Variants in EIF5A2 observed in about 807,000 individuals in gnomAD.
The protein encoded by EIF5A2 is eukaryotic translation initiation factor 5A2.
EIF5A2 carries 15 observed loss-of-function variants against 16.4 expected under a neutral mutation model. The ratio of observed to expected loss-of-function variants is 0.92; its 90% confidence interval spans 0.61 to 1.41. EIF5A2 has a LOEUF of 1.41. EIF5A2 is among the 40% of genes most tolerant of loss of function. The pLI is 0.00. For synonymous variants in EIF5A2, 48 were observed against 61.1 expected (o/e 0.79, Z 1.00); for missense variants, 144 against 189.5 (o/e 0.76, Z 1.41).
chr3:170,900,125 C>T (rs1274201137), intron 3 of EIF5A2, among the ~76,000 whole-genome samples: 2 of 151,826 alleles, frequency 1.3e-5, no homozygotes, highest in Non-Finnish European at 2.9e-5. Context: ...AATCCTAGCA[C>T]TTCGGGAGGC....
At chr3:170,907,445 T>C (rs1712966589) in intron 2 of EIF5A2, among the ~76,000 whole-genome samples, 197 bp downstream of exon 2, 2 of 152,152 alleles carry the variant, frequency 1.3e-5, no homozygotes, top group East Asian at 1.9e-4. Flanking sequence ...TCCCAGTTAA[T>C]GAACATTGTA....
At chr3:170,907,873 A>G (rs548996246) in intron 1 of EIF5A2, 32 bp from the exon 2 acceptor site, 1 of 1,450,074 alleles carries the variant, frequency 6.9e-7, no homozygotes, top group African/African-American at 1.4e-5. Context: ...GCTTTTTAAC[A>G]ACGGGTATGT....
At chr3:170,900,057 A>G (rs1392605877) in intron 3 of EIF5A2, among the ~76,000 whole-genome samples, 3 of 151,984 alleles carry the variant, frequency 2.0e-5, no homozygotes, top group Admixed American at 6.6e-5. Flanking sequence ...GCAGTATATA[A>G]GGTTATAAGG....
rs1712466498 is a variant in EIF5A2 at position 170,889,174 on chromosome 3, T to C, written c.*4186A>G. ...GGTGAAAGCCTGGTATGCATTGCCA[T>C]AAAGTGCATCTTTTACATAAGGAAA... is the stretch of plus-strand genomic sequence containing the variant. On this transcript the variant is annotated 3_prime_UTR_variant, in exon 5 of 5. Transcript: ENST00000295822. 1 of 151,232 alleles carries C rather than the reference T, an allele frequency of 6.6e-6. No homozygotes were observed. Among genetic ancestry groups the C allele is most frequent in the African/African-American group, 2.4e-5 (1 of 41,156 alleles). The allele number at this position is 151,232 out of a possible 1,614,324, so 9.4% of individuals were successfully genotyped here.
At chr3:170,902,796 G>A (rs1712849503) in intron 3 of EIF5A2, among the ~76,000 whole-genome samples, 4 of 151,794 alleles carry the variant, frequency 2.6e-5, no homozygotes, top group African/African-American at 9.7e-5. Context: ...TATTAGAGAC[G>A]GGGTTTCACC....
chr3:170,898,874 G>C (rs1712737369), intron 3 of EIF5A2, among the ~76,000 whole-genome samples: 1 of 151,194 alleles, frequency 6.6e-6, no homozygotes, highest in South Asian at 2.1e-4. Flanking sequence ...TATTTTTACA[G>C]AACTATTGAG....
chr3:170,901,910 T>C (rs1576788882), intron 3 of EIF5A2, among the ~76,000 whole-genome samples: 1 of 152,186 alleles, frequency 6.6e-6, no homozygotes, highest in African/African-American at 2.4e-5. Flanking sequence ...GAATGCTTGA[T>C]CACTATTATT....
In EIF5A2 at chr3:170,892,953, TCTG is replaced by T; in HGVS notation, c.*404_*406del. The stretch of plus-strand genomic sequence containing the variant: ...TATAATCAGTTCATTTTATATTAAA[TCTG>T]TAATTAATGCAGAGCAGTTCAACTT... On this transcript the variant is annotated 3_prime_UTR_variant, in exon 5 of 5. Coordinates refer to ENST00000295822, the MANE Select transcript of EIF5A2 (RefSeq NM_020390.6). The T allele has an allele frequency of 2.5e-6, 1 of 399,396 alleles. No homozygotes were observed. Among genetic ancestry groups the T allele is most frequent in the Middle Eastern group, 6.3e-4 (1 of 1,586 alleles). The allele number at this position is 399,396 out of a possible 1,614,324, so 24.7% of individuals were successfully genotyped here.
At position 170,889,046 on chromosome 3, in the gene EIF5A2, G is replaced by GTTTTTTTT. The variant is rs1249780814; in HGVS notation, c.*4313_*4314insAAAAAAAA. ...GGACTTCATATAAATACAATAACCT[G>GTTTTTTTT]TCTTTTTTTTTTTTTTTTTTTTTTT... On this transcript the variant is annotated 3_prime_UTR_variant, in exon 5 of 5. Transcript: ENST00000295822. 7.7e-5 allele frequency: 2 copies of GTTTTTTTT among 25,844 alleles called. No homozygotes were observed. The highest frequency in any genetic ancestry group is 5.2e-4 in the Admixed American group (1 of 1,930). 1.6% of individuals were successfully genotyped at this position (25,844 alleles called of 1,614,324 possible).
In EIF5A2 at chr3:170,907,626, C is replaced by T; in HGVS notation, c.165+16G>A. On this transcript the variant is annotated intron_variant, in intron 2 of 4. Coordinates refer to ENST00000295822, the MANE Select transcript of EIF5A2 (RefSeq NM_020390.6). ...CCCAACGCCGAAGCCAAAGCCTGAT[C>T]TGCAAGGGTACTTACCTTGGCATGA... The T allele has an allele frequency of 6.4e-7, 1 of 1,571,224 alleles. No individual in the cohort carries two copies. Among genetic ancestry groups the T allele is most frequent in the Non-Finnish European group, 8.7e-7 (1 of 1,148,194 alleles).
At chr3:170,896,514 C>T (rs1712677025) in intron 3 of EIF5A2, among the ~76,000 whole-genome samples, 1 of 152,170 alleles carries the variant, frequency 6.6e-6, no homozygotes. Flanking sequence ...AGTGAGTTCT[C>T]TTCAAAGTGT....
intron 3 of EIF5A2, among the ~76,000 whole-genome samples, chr3:170,901,662 G>A (rs768536830): frequency 1.3e-5 from 2 of 151,038 alleles, no homozygotes; most frequent in Non-Finnish European, 2.9e-5. Context: ...TGGTGGTCTC[G>A]AACTCCTGAT....
chr3:170,902,898 C>T (rs1576789276), intron 3 of EIF5A2, among the ~76,000 whole-genome samples: 1 of 152,076 alleles, frequency 6.6e-6, no homozygotes, highest in East Asian at 1.9e-4. Context: ...AGCCACTGTG[C>T]CCGGCCTCAG....
At position 170,907,628 on chromosome 3, in the gene EIF5A2, G is replaced by C. The variant is rs532879345; in HGVS notation, c.165+14C>G. The stretch of plus-strand genomic sequence containing the variant: ...CAACGCCGAAGCCAAAGCCTGATCT[G>C]CAAGGGTACTTACCTTGGCATGACC... On this transcript the variant is annotated intron_variant, in intron 2 of 4. Coordinates refer to ENST00000295822, the MANE Select transcript of EIF5A2 (RefSeq NM_020390.6). 2.2e-5 allele frequency: 34 copies of C among 1,574,230 alleles called. No homozygotes were observed. The South Asian group carries it at 3.5e-4, about 16-fold the overall frequency.
At chr3:170,895,973 C>T (rs1712660988) in intron 3 of EIF5A2, among the ~76,000 whole-genome samples, 1 of 152,158 alleles carries the variant, frequency 6.6e-6, no homozygotes, top group Non-Finnish European at 1.5e-5. Flanking sequence ...ATGCACCTAG[C>T]TTGAAGTGTA....
rs1712563330 is a variant in EIF5A2 at position 170,892,595 on chromosome 3, T to C, written c.*765A>G. The C allele has an allele frequency of 1.3e-5, 5 of 395,942 alleles. No individual in the cohort carries two copies. The East Asian group carries it at 1.8e-4, about 14-fold the overall frequency. The allele number at this position is 395,942 out of a possible 1,614,324, so 24.5% of individuals were successfully genotyped here. On this transcript the variant is annotated 3_prime_UTR_variant, in exon 5 of 5. Coordinates refer to ENST00000295822, the MANE Select transcript of EIF5A2 (RefSeq NM_020390.6). Reference sequence around the variant, plus strand: ...AAAGCAAAAACAACTGAGAAACAACTTTTCATTTTTATGCTGACTTACAAA... The same window carrying C: ...AAAGCAAAAACAACTGAGAAACAACCTTTCATTTTTATGCTGACTTACAAA...
chr3:170,897,798 A>AG (rs1178653211), intron 3 of EIF5A2, among the ~76,000 whole-genome samples: 3 of 152,176 alleles, frequency 2.0e-5, no homozygotes, highest in East Asian at 1.9e-4. Flanking sequence ...AGCTGTGAGA[A>AG]GGGGGGTCAC....
At chr3:170,900,199 C>T (rs1000100359) in intron 3 of EIF5A2, among the ~76,000 whole-genome samples, 2 of 151,614 alleles carry the variant, frequency 1.3e-5, no homozygotes, top group Non-Finnish European at 2.9e-5. Flanking sequence ...GGCAAAACCT[C>T]GTCTCTACTA....
chr3:170,907,187 A>T (rs1462270383), intron 2 of EIF5A2, 94 bp from the exon 3 acceptor site: 1 of 730,990 alleles, frequency 1.4e-6, no homozygotes, highest in African/African-American at 1.8e-5. Flanking sequence ...ATTACAACAG[A>T]TTCTTTTTCT....
Sources: gnomAD v4.1 joint callset for allele counts (sites outside exome capture counted in the v4.1 genomes callset) on GRCh38, gnomAD v4.1.1 for gene constraint, MANE v1.5 for transcripts, NCBI Gene and HGNC (gene_info 2026-07-23, HGNC 2026-07-21) for gene names.